ALG9: variants seen among roughly 807,000 people sequenced by gnomAD.
ALG9 encodes the protein ALG9 alpha-1,2-mannosyltransferase.
A neutral mutation model predicts 81.8 loss-of-function variants in ALG9; 55 were observed. The ratio of observed to expected loss-of-function variants is 0.67; its 90% CI spans 0.54 to 0.84. The LOEUF (loss-of-function observed/expected upper bound fraction) is 0.84. Among genes scored for constraint, ALG9 ranks in the 40% least tolerant of loss-of-function variants. The probability of loss-of-function intolerance (pLI) is 0.00; values close to 1 mark genes in which losing one functional copy is unlikely to be tolerated. For missense variants in ALG9, 629 were observed against 745.0 expected (o/e 0.84, Z 1.81); for synonymous variants, 278 against 274.3 (o/e 1.01, Z -0.13).
At chr11:111,796,506 G>C (rs1948307738) in intron 14 of ALG9, among the ~76,000 whole-genome samples, 1 of 152,112 alleles carries the variant, frequency 6.6e-6, no homozygotes, top group African/African-American at 2.4e-5. Context: ...GACTCTCTAA[G>C]CTTCAGAAAA....
chr11:111,839,604 G>A (rs1167985213), intron 10 of ALG9, among the ~76,000 whole-genome samples: 6 of 134,818 alleles, frequency 4.5e-5, no homozygotes, highest in Non-Finnish European at 6.4e-5. Context: ...AAAAAAAAGG[G>A]GGGGGGGGAT....
intron 10 of ALG9, 146 bp downstream of exon 10, chr11:111,840,509 G>T: frequency 1.1e-6 from 1 of 918,494 alleles, no homozygotes; most frequent in Non-Finnish European, 1.7e-6. Context: ...AATATAAGAA[G>T]GTTTAATAAT....
chr11:111,789,624 G>T (rs1436532214), intron 14 of ALG9, among the ~76,000 whole-genome samples: 3 of 151,714 alleles, frequency 2.0e-5, no homozygotes, highest in African/African-American at 7.3e-5. Flanking sequence ...ACCGAGGTCA[G>T]GAGTTCAAGA....
rs573471507 is a variant in ALG9 at position 111,864,278 on chromosome 11, G to A, written c.476+903C>T. ...CATGTCTGGCTCCTCCAGCGTTGCCGCTATGAAGAAAGTGGTTCAACAGCC... is the reference window on the plus strand; with the variant it reads ...CATGTCTGGCTCCTCCAGCGTTGCCACTATGAAGAAAGTGGTTCAACAGCC... On this transcript the variant is annotated intron_variant, in intron 4 of 14. Coordinates refer to ENST00000616540, the MANE Select transcript of ALG9 (RefSeq NM_024740.2). 74 of 1,134,552 alleles carry A rather than the reference G, an allele frequency of 6.5e-5. No homozygotes were observed. In the South Asian group the frequency reaches 8.7e-4, roughly 13 times the overall value. The allele number at this position is 1,134,552 out of a possible 1,614,324, so 70.3% of individuals were successfully genotyped here.
At chr11:111,860,075 C>T (rs1369502058) in intron 5 of ALG9, among the ~76,000 whole-genome samples, 2 of 152,096 alleles carry the variant, frequency 1.3e-5, no homozygotes, top group Non-Finnish European at 2.9e-5. Context: ...GAATACATAT[C>T]AAATAATGTA....
chr11:111,860,492 C>G (rs1463754676), intron 5 of ALG9, 55 bp downstream of exon 5: 2 of 1,425,036 alleles, frequency 1.4e-6, no homozygotes, highest in Admixed American at 3.3e-5. Flanking sequence ...CCCTCATCTG[C>G]CCTTTTACTT....
At position 111,849,039 on chromosome 11, in the gene ALG9, TTC is replaced by T. The variant is rs1272799552; in HGVS notation, c.896-4318_896-4317del. 4.6e-5 allele frequency among the ~76,000 whole-genome samples: 5 copies of T among 108,704 alleles called. No individual in the cohort carries two copies. The South Asian group carries it at 1.7e-3, about 38-fold the overall frequency. The allele number at this position is 108,704 out of a possible 152,430, so 71.3% of individuals were successfully genotyped here. A position where few individuals can be genotyped will look rare whatever the true frequency, so the allele number is the denominator to read the frequency against. On this transcript the variant is annotated intron_variant, in intron 8 of 14. Transcript: ENST00000616540. ...TGCTCAAAAGCAATTTATTCAATGT[TTC>T]TTTCTTTCTTTCTTTCTTTTTTTTT...
chr11:111,861,508 G>T (rs1778389186), intron 4 of ALG9, among the ~76,000 whole-genome samples: 1 of 152,084 alleles, frequency 6.6e-6, no homozygotes, highest in Admixed American at 6.6e-5. Flanking sequence ...CATACTCTCT[G>T]TCGCTCAGGC....
At chr11:111,772,382 C>T in the ALG9 span, among the ~76,000 whole-genome samples, 2 of 152,180 alleles carry the variant, frequency 1.3e-5, no homozygotes, top group South Asian at 4.1e-4. Flanking sequence ...GCCATGATTG[C>T]ACCACTGCAC....
the ALG9 span, among the ~76,000 whole-genome samples, chr11:111,773,737 G>A: frequency 4.9e-5 from 7 of 143,670 alleles, no homozygotes; most frequent in African/African-American, 7.8e-5. Flanking sequence ...TGGCTAATAC[G>A]AAAATCATCT....
chr11:111,845,161 G>T, intron 8 of ALG9: 1 of 192,976 alleles, frequency 5.2e-6, no homozygotes, highest in Admixed American at 5.4e-5. Context: ...GTTGGTGGCT[G>T]GGTGTGGTGG....
chr11:111,835,442 T>A (rs149065430), intron 13 of ALG9, among the ~76,000 whole-genome samples: 1,881 of 152,322 alleles, frequency 0.012, 49 homozygotes, highest in African/African-American at 0.043. Flanking sequence ...TGACAGAGGC[T>A]GCTCCCTGGC....
chr11:111,855,653 G>A (rs550673078), intron 6 of ALG9, among the ~76,000 whole-genome samples: 184 of 152,320 alleles, frequency 1.2e-3, no homozygotes, highest in Non-Finnish European at 2.3e-3. Context: ...GCTATGGAGA[G>A]AAGATAATGA....
Position 111,853,735 on chromosome 11 carries a change from A to C in ALG9, c.703T>G (p.Leu235Val), listed in dbSNP as rs1555141122. 2 of 1,613,202 alleles carry C rather than the reference A, an allele frequency of 1.2e-6. No homozygotes were observed. The highest frequency in any genetic ancestry group is 4.5e-5 in the East Asian group (2 of 44,876). The change falls in exon 7 of 15, where the codon TTA (leucine) becomes GTA (valine). Residue 235 changes from leucine to valine, a missense_variant and splice_region_variant. Coordinates refer to ENST00000616540, the MANE Select transcript of ALG9 (RefSeq NM_024740.2). ...LGWPFSAALG[L>V]PIAFDLLVMK... ...ACCAGCAAATCAAAGGCAATGGGTA[A>C]ACTATTTAACAGAGAAACAGAGCGG...
chr11:111,846,076 A>G (rs546036580), intron 8 of ALG9, among the ~76,000 whole-genome samples: 2 of 152,334 alleles, frequency 1.3e-5, no homozygotes, highest in South Asian at 2.1e-4. Flanking sequence ...GGTTATAGAA[A>G]ACTAACGGAT....
Position 111,798,135 on chromosome 11 carries a change from G to T in ALG9, c.1733+11508C>A, listed in dbSNP as rs1049555921. ...GGAGGATGGCTTGAGTCCAGGAGGTGGAGGTTGCAGTGAACAGAGATTGTG... is the reference window on the plus strand; with the variant it reads ...GGAGGATGGCTTGAGTCCAGGAGGTTGAGGTTGCAGTGAACAGAGATTGTG... On this transcript the variant is annotated intron_variant, in intron 14 of 14. Coordinates refer to ENST00000616540, the MANE Select transcript of ALG9 (RefSeq NM_024740.2). The T allele has an allele frequency of 8.1e-5, 17 of 210,110 alleles. 1 individual carries two copies. The Admixed American group carries it at 9.7e-4, about 12-fold the overall frequency. 13.0% of individuals were successfully genotyped at this position (210,110 alleles called of 1,614,324 possible).
chr11:111,793,999 C>T (rs1017888297), intron 14 of ALG9, among the ~76,000 whole-genome samples: 1 of 152,228 alleles, frequency 6.6e-6, no homozygotes, highest in Admixed American at 6.5e-5. Flanking sequence ...TGAAATACTT[C>T]CCCTCCCAGT....
At chr11:111,862,480 T>C (rs1274445017) in intron 4 of ALG9, among the ~76,000 whole-genome samples, 1 of 151,736 alleles carries the variant, frequency 6.6e-6, no homozygotes, top group East Asian at 1.9e-4. Context: ...GTGATCCACC[T>C]GCCTCGGCCT....
At chr11:111,839,544 C>T (rs1302098913) in intron 10 of ALG9, among the ~76,000 whole-genome samples, 1 of 141,066 alleles carries the variant, frequency 7.1e-6, no homozygotes, top group East Asian at 2.1e-4. Context: ...GAGATTGCGC[C>T]ACTGCACTCC....
Sources: allele counts gnomAD v4.1 joint callset (sites outside exome capture counted in the v4.1 genomes callset), GRCh38; gene constraint gnomAD v4.1.1; transcripts MANE v1.5; gene names NCBI Gene and HGNC (gene_info 2026-07-23, HGNC 2026-07-21).